The following LUZP2 variants were observed in gnomAD, a reference collection of about 807,000 sequenced individuals.
The protein encoded by LUZP2 is leucine zipper protein 2.
Under a neutral mutation model 51.6 loss-of-function variants are expected in LUZP2, and 52 were observed. The ratio of observed to expected loss-of-function variants is 1.01; its 90% CI spans 0.81 to 1.27. The LOEUF is 1.27. Ranked by LOEUF, LUZP2 falls within the 50% of genes most tolerant of loss-of-function variation. LUZP2 has a pLI of 0.00. For missense variants in LUZP2, 436 were observed against 395.4 expected, an observed-to-expected ratio of 1.10 and a Z score of -0.87; for synonymous variants, 154 against 137.3, an observed-to-expected ratio of 1.12 and a Z score of -0.85.
intron 1 of LUZP2, among the ~76,000 whole-genome samples, chr11:24,653,748 A>T (rs1451689870): frequency 6.6e-6 from 1 of 152,204 alleles, no homozygotes; most frequent in African/African-American, 2.4e-5. Context: ...AGACAGAAAG[A>T]GGCACAAAAG....
At chr11:24,929,313 T>G (rs1460670608) in intron 7 of LUZP2, among the ~76,000 whole-genome samples, 5 of 152,156 alleles carry the variant, frequency 3.3e-5, no homozygotes, top group Non-Finnish European at 5.9e-5. Flanking sequence ...GACCTTAGAT[T>G]GTCTATTTGT....
intron 1 of LUZP2, among the ~76,000 whole-genome samples, chr11:24,607,178 G>T (rs1853951187): frequency 6.6e-6 from 1 of 150,800 alleles, no homozygotes; most frequent in Admixed American, 6.6e-5. Flanking sequence ...TTCTCGCCTA[G>T]GCTTTTGATG....
Position 24,639,203 on chromosome 11 carries a change from A to T in LUZP2, c.63-89966A>T, listed in dbSNP as rs376848079. ...TAAAGTAGAATCATTTTGTTTCTCT[A>T]TTTGTTTTCTTAATTTTGCATTTTA... On this transcript the variant is annotated intron_variant, in intron 1 of 11. Coordinates refer to ENST00000336930, the MANE Select transcript of LUZP2 (RefSeq NM_001009909.4). Among the ~76,000 whole-genome samples the T allele has an allele frequency of 5.9e-5, 9 of 151,638 alleles. No individual in the cohort carries two copies. The East Asian group carries it at 9.7e-4, about 16-fold the overall frequency.
chr11:25,082,517 G>A lies in LUZP2; in HGVS notation c.*3859G>A, dbSNP rs1407052473. ...AGACATTTTCTTAGTCGTGTGTATA[G>A]TCCTAAATTTCCCCAAACTATGTGT... On this transcript the variant is annotated 3_prime_UTR_variant, in exon 12 of 12. Coordinates refer to ENST00000336930, the MANE Select transcript of LUZP2 (RefSeq NM_001009909.4). 3.3e-5 allele frequency: 5 copies of A among 152,238 alleles called. No individual in the cohort carries two copies. 9.4% of individuals were successfully genotyped at this position (152,238 alleles called of 1,614,324 possible).
chr11:24,654,681 G>T (rs10834415), intron 1 of LUZP2, among the ~76,000 whole-genome samples: 1 of 134,476 alleles, frequency 7.4e-6, no homozygotes, highest in Non-Finnish European at 1.5e-5. Flanking sequence ...TGCACCACGA[G>T]GCCTGGCTAA....
At chr11:24,512,007 G>A (rs1564961029) in intron 1 of LUZP2, among the ~76,000 whole-genome samples, 1 of 152,178 alleles carries the variant, frequency 6.6e-6, no homozygotes, top group Non-Finnish European at 1.5e-5. Context: ...TTAGAAGAAA[G>A]TATCTGTCAG....
intron 1 of LUZP2, 137 bp from the exon 2 acceptor site, chr11:24,729,032 A>G: frequency 2.1e-6 from 1 of 475,738 alleles, no homozygotes; most frequent in Non-Finnish European, 3.8e-6. Context: ...TTTATATGAA[A>G]TCATGACAAC....
At chr11:24,876,949 A>G (rs1852289678) in intron 5 of LUZP2, among the ~76,000 whole-genome samples, 1 of 152,174 alleles carries the variant, frequency 6.6e-6, no homozygotes, top group Admixed American at 6.6e-5. Flanking sequence ...ACCTTCAAGT[A>G]ACAGAGTCAC....
At chr11:24,583,610 C>A (rs16912856) in intron 1 of LUZP2, among the ~76,000 whole-genome samples, 3 of 152,030 alleles carry the variant, frequency 2.0e-5, no homozygotes, top group African/African-American at 7.2e-5. Context: ...AAAGTAGACA[C>A]TTTTCATCTT....
intron 4 of LUZP2, among the ~76,000 whole-genome samples, chr11:24,746,756 T>C (rs2134000377): frequency 6.6e-6 from 1 of 152,300 alleles, no homozygotes; most frequent in Non-Finnish European, 1.5e-5. Context: ...TTTCTTATTC[T>C]TTTTTTCTTT....
At chr11:24,948,061 G>A (rs1261972988) in intron 7 of LUZP2, among the ~76,000 whole-genome samples, 3 of 151,660 alleles carry the variant, frequency 2.0e-5, no homozygotes, top group Non-Finnish European at 4.4e-5. Flanking sequence ...TCATAAGTTA[G>A]TGTGCTTAAT....
At chr11:24,504,064 A>G (rs1850079828) in intron 1 of LUZP2, among the ~76,000 whole-genome samples, 1 of 152,126 alleles carries the variant, frequency 6.6e-6, no homozygotes, top group Non-Finnish European at 1.5e-5. Context: ...TCATCATTGC[A>G]CACCATTTAC....
At chr11:24,987,599 A>T (rs367699047) in intron 9 of LUZP2, among the ~76,000 whole-genome samples, 6 of 151,810 alleles carry the variant, frequency 4.0e-5, no homozygotes, top group African/African-American at 1.5e-4. Context: ...ACTTAATTGG[A>T]AAAGGATGAT....
At chr11:24,840,047 T>TA (rs1428268539) in intron 5 of LUZP2, among the ~76,000 whole-genome samples, 1 of 151,768 alleles carries the variant, frequency 6.6e-6, no homozygotes, top group East Asian at 1.9e-4. Context: ...TGGTAAATAA[T>TA]ACAAAATTTT....
intron 1 of LUZP2, among the ~76,000 whole-genome samples, chr11:24,697,821 A>G (rs1435193847): frequency 6.6e-6 from 1 of 152,174 alleles, no homozygotes; most frequent in Non-Finnish European, 1.5e-5. Flanking sequence ...CATCACCATT[A>G]TAAAGCCTAA....
Position 25,062,229 on chromosome 11 carries a change from A to G in LUZP2, c.858+12099A>G, listed in dbSNP as rs1247442120. On this transcript the variant is annotated intron_variant, in intron 10 of 11. Transcript: ENST00000336930. The stretch of plus-strand genomic sequence containing the variant: ...AATAATGGATATAGAAATGATAAAG[A>G]CAGAAATAGATAGTTACAACAATGG... Among the ~76,000 whole-genome samples the G allele has an allele frequency of 4.0e-5, 6 of 151,224 alleles. No homozygotes were observed. The South Asian group carries it at 1.2e-3, about 31-fold the overall frequency.
At chr11:24,812,489 A>T (rs1850050782) in intron 5 of LUZP2, among the ~76,000 whole-genome samples, 1 of 152,228 alleles carries the variant, frequency 6.6e-6, no homozygotes, top group Admixed American at 6.5e-5. Context: ...AACTGATTCT[A>T]GACTGAGCTT....
chr11:24,970,799 ACCT>A (rs1359864864), intron 7 of LUZP2, among the ~76,000 whole-genome samples: 1 of 151,984 alleles, frequency 6.6e-6, no homozygotes, highest in African/African-American at 2.4e-5. Context: ...AACAAGTAAC[ACCT>A]CCTTGGAGCA....
chr11:25,045,308 C>G (rs899858516), intron 9 of LUZP2, among the ~76,000 whole-genome samples: 1 of 151,442 alleles, frequency 6.6e-6, no homozygotes, highest in South Asian at 2.1e-4. Context: ...CAGTAGTAAA[C>G]CAGACAACCC....
Sources: allele counts gnomAD v4.1 joint callset (sites outside exome capture counted in the v4.1 genomes callset), GRCh38; gene constraint gnomAD v4.1.1; transcripts MANE v1.5; gene names NCBI Gene and HGNC (gene_info 2026-07-23, HGNC 2026-07-21).